The following PRMT9 variants were observed in gnomAD, a reference collection of about 807,000 sequenced individuals.
PRMT9 encodes the protein protein arginine N-methyltransferase 9.
In PRMT9, 59 loss-of-function variants were observed where a neutral mutation model predicts 83.2. The ratio of observed to expected loss-of-function variants is 0.71; its 90% CI spans 0.57 to 0.88. The LOEUF (loss-of-function observed/expected upper bound fraction) is 0.88, where lower values mean the gene tolerates loss of function less well. PRMT9 is among the 40% of genes least tolerant of loss of function. PRMT9 has a pLI of 0.00. For missense variants in PRMT9, 947 were observed against 1,021.9 expected (o/e 0.93, Z 1.00); for synonymous variants, 333 against 353.2 (o/e 0.94, Z 0.64).
chr4:147,658,015 T>G, intron 7 of PRMT9, 40 bp from the exon 8 acceptor site: 5 of 1,302,876 alleles, frequency 3.8e-6, no homozygotes, highest in Non-Finnish European at 5.5e-6. Flanking sequence ...TTTTATATAT[T>G]TCATATATAC....
Position 147,668,662 on chromosome 4 carries a change from TAAG to T in PRMT9, c.847-20_847-18del. On this transcript the variant is annotated intron_variant, in intron 5 of 11. Transcript: ENST00000322396. ...ACCTTTGGTCTAAAAAAAATAACAA[TAAG>T]AATTATGTTATCACATGTATGTAAA... 7.2e-7 allele frequency: 1 copy of T among 1,381,754 alleles called. No individual in the cohort carries two copies. Among genetic ancestry groups the T allele is most frequent in the Non-Finnish European group, 1.0e-6 (1 of 969,538 alleles). 85.6% of individuals were successfully genotyped at this position (1,381,754 alleles called of 1,614,324 possible). A position where few individuals can be genotyped will look rare whatever the true frequency, so the allele number is the denominator to read the frequency against.
intron 9 of PRMT9, among the ~76,000 whole-genome samples, chr4:147,646,625 A>T (rs188701242): frequency 9.7e-4 from 147 of 151,632 alleles, no homozygotes; most frequent in Non-Finnish European, 1.8e-3. Flanking sequence ...AAAAAATAAA[A>T]ATAAAACTTC....
rs1310397145 is a variant in PRMT9 at position 147,662,806 on chromosome 4, C to CA, written c.954-1769dup. Among the ~76,000 whole-genome samples, 222 of 150,306 alleles carry CA rather than the reference C, an allele frequency of 1.5e-3. 3 individuals are homozygous for CA. The highest frequency in any genetic ancestry group is 3.4e-3 in the Middle Eastern group (1 of 292). On this transcript the variant is annotated intron_variant, in intron 6 of 11. Transcript: ENST00000322396. ...AGAGCGAGACCCTGTCTCAAAAAAA[C>CA]AAAAAAAACAAAAAAGAAAATTTAC...
intron 10 of PRMT9, among the ~76,000 whole-genome samples, chr4:147,640,040 C>T (rs2126564576): frequency 6.9e-6 from 1 of 144,978 alleles, no homozygotes; most frequent in South Asian, 2.3e-4. Flanking sequence ...TTATTTCTCA[C>T]ACTAACTGGT....
intron 9 of PRMT9, among the ~76,000 whole-genome samples, chr4:147,643,144 G>A (rs922223079): frequency 3.9e-5 from 6 of 152,072 alleles, no homozygotes; most frequent in Non-Finnish European, 8.8e-5. Flanking sequence ...GCATGCACCT[G>A]TAGTTCCACC....
At chr4:147,651,497 G>C (rs1157738667) in intron 9 of PRMT9, among the ~76,000 whole-genome samples, 1 of 152,094 alleles carries the variant, frequency 6.6e-6, no homozygotes, top group African/African-American at 2.4e-5. Flanking sequence ...TGAAATAAGG[G>C]GTTAGTATCC....
chr4:147,669,251 G>C (rs947936153), intron 5 of PRMT9, among the ~76,000 whole-genome samples: 4 of 151,084 alleles, frequency 2.6e-5, no homozygotes, highest in African/African-American at 7.3e-5. Context: ...TTTTTAATTA[G>C]CCAAGTGTGG....
rs554850100 is a variant in PRMT9, at chr4:147,683,950, C to A, written c.38G>T (p.Gly13Val). Residue 13 changes from glycine (G) to valine (V), a missense_variant, in exon 1 of 12, where the codon GGG becomes GTG. Gly to Val is a moderately radical substitution (Grantham distance 109, BLOSUM62 -3). Transcript: ENST00000322396. ...NSRPRSRRDA[G>V]GGAGAAGRDE... The stretch of plus-strand genomic sequence containing the variant: ...CCGGCCGGCTGCCCCAGCGCCACCC[C>A]CGGCGTCTCGGCGGGACCTGGGCCG... 1 of 1,612,990 alleles carries A rather than the reference C, an allele frequency of 6.2e-7. No individual in the cohort carries two copies. Among genetic ancestry groups the A allele is most frequent in the South Asian group, 1.1e-5 (1 of 91,068 alleles).
intron 1 of PRMT9, among the ~76,000 whole-genome samples, chr4:147,682,795 G>A (rs1736577969): frequency 6.6e-6 from 1 of 152,146 alleles, no homozygotes; most frequent in Non-Finnish European, 1.5e-5. Context: ...TAGGACAGCT[G>A]GTCCTGAAAT....
At chr4:147,683,403 A>C (rs1220132846) in intron 1 of PRMT9, among the ~76,000 whole-genome samples, 2 of 152,234 alleles carry the variant, frequency 1.3e-5, no homozygotes, top group Non-Finnish European at 2.9e-5. Flanking sequence ...TTGAGAGCCG[A>C]CTGCAACAGC....
At chr4:147,665,925 T>C (rs1336848812) in intron 6 of PRMT9, among the ~76,000 whole-genome samples, 2 of 152,224 alleles carry the variant, frequency 1.3e-5, no homozygotes, top group Non-Finnish European at 2.9e-5. Context: ...TGTACACACA[T>C]CACTGCACAC....
rs1735846503 is a variant in PRMT9, at chr4:147,673,134, G to A, written c.576-8C>T. ...GCTTTTTTAGCAAACATGCTACAAG[G>A]GAAAAAAGTTCTCCATCAAGAAAAA... On this transcript the variant is annotated splice_polypyrimidine_tract_variant and splice_region_variant and intron_variant, in intron 3 of 11. Coordinates refer to ENST00000322396, the MANE Select transcript of PRMT9 (RefSeq NM_138364.4). 1 of 1,613,112 alleles carries A rather than the reference G, an allele frequency of 6.2e-7. No homozygotes were observed. Among genetic ancestry groups the A allele is most frequent in the African/African-American group, 1.3e-5 (1 of 74,852 alleles).
At position 147,680,207 on chromosome 4, in the gene PRMT9, T is replaced by G. The variant is rs1736372951; in HGVS notation, c.338+116A>C. ...ATTATATATCTGCTATTCTTTTCAA[T>G]TCTCCTTAATAATTCTCCATATTAA... On this transcript the variant is annotated intron_variant, in intron 2 of 11. Transcript: ENST00000322396. 32 of 967,962 alleles carry G rather than the reference T, an allele frequency of 3.3e-5. 1 individual carries two copies. In the South Asian group the frequency reaches 3.7e-4, roughly 11 times the overall value. 60.0% of individuals were successfully genotyped at this position (967,962 alleles called of 1,614,324 possible).
intron 9 of PRMT9, 57 bp from the exon 10 acceptor site, chr4:147,642,997 C>T (rs1289923879): frequency 1.4e-5 from 21 of 1,526,118 alleles, no homozygotes; most frequent in South Asian, 5.6e-5. Flanking sequence ...CAGTGGCTCA[C>T]GCCTGTAATC....
At chr4:147,660,735 A>G (rs559084188) in intron 7 of PRMT9, 111 bp downstream of exon 7, 66 of 685,252 alleles carry the variant, frequency 9.6e-5, no homozygotes, top group South Asian at 5.7e-4. Flanking sequence ...TTTACATACA[A>G]TAAGTGGAAT....
At chr4:147,681,728 A>T (rs1736481628) in intron 1 of PRMT9, among the ~76,000 whole-genome samples, 1 of 151,758 alleles carries the variant, frequency 6.6e-6, no homozygotes, top group African/African-American at 2.4e-5. Context: ...TGGAGGTTGC[A>T]GTGAACCGAG....
chr4:147,683,832 G>A lies in PRMT9; in HGVS notation c.156C>T (p.Leu52=). The A allele has an allele frequency of 1.9e-6, 3 of 1,612,768 alleles. No individual in the cohort carries two copies. Among genetic ancestry groups the A allele is most frequent in the Non-Finnish European group, 2.5e-6 (3 of 1,179,846 alleles). The change falls in exon 1 of 12, where the codon CTC becomes CTT. Residue 52 remains leucine, a synonymous_variant. Transcript: ENST00000322396. ...GTAYAHYLLV[L]SLAPELKHDV... Reference sequence around the variant, plus strand: ...CGTGTTTCAGCTCCGGCGCCAGGCTGAGCACGAGGAGGTAGTGGGCATAGG... The same window carrying A: ...CGTGTTTCAGCTCCGGCGCCAGGCTAAGCACGAGGAGGTAGTGGGCATAGG...
intron 9 of PRMT9, among the ~76,000 whole-genome samples, chr4:147,643,303 T>C (rs549490871): frequency 1.5e-4 from 23 of 152,198 alleles, no homozygotes; most frequent in Non-Finnish European, 2.8e-4. Context: ...AAACCCTTTG[T>C]AATCCCCTAC....
Position 147,673,072 on chromosome 4 carries a change from C to G in PRMT9, c.630G>C (p.Lys210Asn), listed in dbSNP as rs1221818555. The G allele has an allele frequency of 6.2e-7, 1 of 1,613,960 alleles. No homozygotes were observed. Among genetic ancestry groups the G allele is most frequent in the Non-Finnish European group, 8.5e-7 (1 of 1,179,912 alleles). The change falls in exon 4 of 12, where the codon AAG becomes AAC. Residue 210 changes from lysine to asparagine, a missense_variant. Coordinates refer to ENST00000322396, the MANE Select transcript of PRMT9 (RefSeq NM_138364.4). ...AHSVYACELS[K>N]TMYELACDVV... ...CATCACAGGCAAGTTCATACATGGT[C>G]TTGGATAACTCACAGGCATACACGG...
Sources: allele counts gnomAD v4.1 joint callset (sites outside exome capture counted in the v4.1 genomes callset), GRCh38; gene constraint gnomAD v4.1.1; transcripts MANE v1.5; gene names NCBI Gene and HGNC (gene_info 2026-07-23, HGNC 2026-07-21).